The following CDH23 variants were observed in gnomAD, a reference collection of about 807,000 sequenced individuals.
CDH23 encodes cadherin-23.
A neutral mutation model predicts 317.1 loss-of-function variants in CDH23; 189 were observed. The observed-to-expected ratio is 0.60, with a 90% CI of 0.53 to 0.67. CDH23 has a LOEUF of 0.67. Ranked by LOEUF, CDH23 falls within the 30% of genes least tolerant of loss-of-function variation. The pLI, the probability that CDH23 is intolerant of heterozygous loss-of-function variation, is 0.00. For synonymous variants in CDH23, 1,839 were observed against 1,876.8 expected, an observed-to-expected ratio of 0.98 and a Z score of 0.52; for missense variants, 4,401 against 4,592.4, an observed-to-expected ratio of 0.96 and a Z score of 1.20.
At chr10:71,475,135 G>C (rs1370734399) in intron 3 of CDH23, among the ~76,000 whole-genome samples, 1 of 152,200 alleles carries the variant, frequency 6.6e-6, no homozygotes, top group East Asian at 1.9e-4. Context: ...GGTCAGAGCT[G>C]TGTAACCTTA....
chr10:71,501,436 G>A (rs1440642218), intron 3 of CDH23, among the ~76,000 whole-genome samples: 1 of 152,172 alleles, frequency 6.6e-6, no homozygotes, highest in Non-Finnish European at 1.5e-5. Context: ...CCAGGTCAAG[G>A]GTTTTCTGAT....
At chr10:71,577,805 C>G (rs1035703493) in intron 8 of CDH23, 109 bp from the exon 9 acceptor site, 2 of 939,172 alleles carry the variant, frequency 2.1e-6, no homozygotes, top group African/African-American at 3.3e-5. Context: ...CTGGGTTGCC[C>G]TTGCAGCCAG....
chr10:71,531,424 T>G (rs1336248258), intron 6 of CDH23, among the ~76,000 whole-genome samples: 1 of 152,200 alleles, frequency 6.6e-6, no homozygotes, highest in African/African-American at 2.4e-5. Context: ...TCTAAAAATA[T>G]TGTATTTTCC....
chr10:71,765,719 T>TCC (rs2132899109), intron 38 of CDH23, among the ~76,000 whole-genome samples: 1 of 152,056 alleles, frequency 6.6e-6, no homozygotes, highest in South Asian at 2.1e-4. Flanking sequence ...CCCCCACACC[T>TCC]CCCCACCCCT....
chr10:71,459,950 T>A (rs1850897331), intron 3 of CDH23, among the ~76,000 whole-genome samples: 1 of 152,214 alleles, frequency 6.6e-6, no homozygotes, highest in African/African-American at 2.4e-5. Context: ...AACTTCTCCC[T>A]CCTGGTCACC....
intron 69 of CDH23, 22 bp from the exon 70 acceptor site, chr10:71,814,930 T>C (rs1232714369): frequency 6.3e-7 from 1 of 1,591,660 alleles, no homozygotes; most frequent in Admixed American, 1.7e-5. Flanking sequence ...CCTGAGCATG[T>C]GGGGGTCCCG....
rs1840262666 is a variant in CDH23, at chr10:71,759,856, C to T, written c.4846-17824C>T. Among the ~76,000 whole-genome samples the T allele has an allele frequency of 1.8e-5, 2 of 111,772 alleles. 1 individual carries two copies. Among genetic ancestry groups the T allele is most frequent in the Non-Finnish European group, 4.0e-5 (2 of 49,694 alleles). The allele number at this position is 111,772 out of a possible 152,430, so 73.3% of individuals were successfully genotyped here. ...ACACACACACACACACATATACACA[C>T]ACACACACATATATATACACACACA... On this transcript the variant is annotated intron_variant, in intron 38 of 69. Transcript: ENST00000224721.
Position 71,803,314 on chromosome 10 carries a change from C to A in CDH23, c.7766C>A (p.Pro2589His), listed in dbSNP as rs754049055. 1.3e-6 allele frequency: 2 copies of A among 1,592,342 alleles called. No homozygotes were observed. Among genetic ancestry groups the A allele is most frequent in the Non-Finnish European group, 1.7e-6 (2 of 1,169,420 alleles). Residue 2589 changes from proline (P) to histidine (H), a missense_variant, in exon 55 of 70, where the codon CCC becomes CAC. Pro to His is a moderately conservative substitution (Grantham distance 77, BLOSUM62 -2). Transcript: ENST00000224721. ...GTGGTGGCCACAGATGGTGGAGAGCCCCCACTCTGGGGCACCACCATGCTC... is the reference window on the plus strand; with the variant it reads ...GTGGTGGCCACAGATGGTGGAGAGCACCCACTCTGGGGCACCACCATGCTC... ...LTVVATDGGEPPLWGTTMLLV... is the reference protein window; with the variant it reads ...LTVVATDGGEHPLWGTTMLLV...
chr10:71,760,088 CATATACACACACACATACAT>C (rs1840302417), intron 38 of CDH23, among the ~76,000 whole-genome samples: 1 of 125,752 alleles, frequency 8.0e-6, no homozygotes, highest in African/African-American at 2.8e-5. Context: ...TATACACACA[CATATACACACACACATACAT>C]ACATATATGT....
intron 38 of CDH23, among the ~76,000 whole-genome samples, chr10:71,743,198 A>G (rs1839781329): frequency 6.6e-6 from 1 of 152,240 alleles, no homozygotes; most frequent in Non-Finnish European, 1.5e-5. Context: ...GGAATGAGCT[A>G]CAAAGTCACA....
chr10:71,419,621 C>T (rs1191517033), intron 1 of CDH23, among the ~76,000 whole-genome samples: 4 of 151,638 alleles, frequency 2.6e-5, no homozygotes, highest in East Asian at 3.9e-4. Flanking sequence ...CCTAGGTACT[C>T]ACCACTGGAA....
chr10:71,569,283 C>A (rs1784457053), intron 7 of CDH23, among the ~76,000 whole-genome samples: 1 of 152,218 alleles, frequency 6.6e-6, no homozygotes, highest in Non-Finnish European at 1.5e-5. Flanking sequence ...TAAAGACAAC[C>A]AGCCCTCCCT....
chr10:71,702,573 C>G lies in CDH23; in HGVS notation c.2612C>G (p.Thr871Ser), dbSNP rs773132619. ...GGTGGCAGGCCCCCTCTGAAAGCCACCAGCAGTGCCACAGTGTTTGTGAAC... is the reference window on the plus strand; with the variant it reads ...GGTGGCAGGCCCCCTCTGAAAGCCAGCAGCAGTGCCACAGTGTTTGTGAAC... ...TDCGRPPLKA[T>S]SSATVFVNLL... The change falls in exon 24 of 70, where the codon ACC (threonine) becomes AGC (serine). Residue 871 changes from threonine to serine, a missense_variant. Thr to Ser is a moderately conservative substitution (Grantham distance 58). Coordinates refer to ENST00000224721, the MANE Select transcript of CDH23 (RefSeq NM_022124.6). 3 of 1,613,890 alleles carry G rather than the reference C, an allele frequency of 1.9e-6. No individual in the cohort carries two copies. The Admixed American group carries it at 5.0e-5, about 27-fold the overall frequency.
intron 28 of CDH23, chr10:71,713,697 G>A: frequency 4.8e-6 from 1 of 209,418 alleles, no homozygotes; most frequent in South Asian, 6.8e-5. Flanking sequence ...AGGACTTGGA[G>A]CATACCCCCC....
In CDH23 at chr10:71,797,205, G is replaced by A; in HGVS notation, c.6814G>A (p.Val2272Ile). 6.2e-7 allele frequency: 1 copy of A among 1,611,916 alleles called. No homozygotes were observed. Among genetic ancestry groups the A allele is most frequent in the Non-Finnish European group, 8.5e-7 (1 of 1,178,670 alleles). ...TGCCAGCGACCTACCAGAGCGCTCTGTCAGTGTGCCAAATGGTAAGGTTCC... is the reference window on the plus strand; with the variant it reads ...TGCCAGCGACCTACCAGAGCGCTCTATCAGTGTGCCAAATGGTAAGGTTCC... ...DNASDLPERSVSVPNAKLTVN... is the reference protein window; with the variant it reads ...DNASDLPERSISVPNAKLTVN... The change falls in exon 49 of 70, where the codon GTC (valine) becomes ATC (isoleucine). Residue 2272 changes from valine (V) to isoleucine (I), a missense_variant. Val to Ile is a conservative substitution (Grantham distance 29, BLOSUM62 3). Coordinates refer to ENST00000224721, the MANE Select transcript of CDH23 (RefSeq NM_022124.6).
intron 3 of CDH23, among the ~76,000 whole-genome samples, chr10:71,500,152 T>C (rs1853207811): frequency 6.6e-6 from 1 of 151,966 alleles, no homozygotes; most frequent in South Asian, 2.1e-4. Context: ...AAATGATAAG[T>C]GTTTGAGGTG....
intron 3 of CDH23, among the ~76,000 whole-genome samples, chr10:71,489,436 C>G (rs1852524456): frequency 1.3e-5 from 2 of 152,034 alleles, no homozygotes; most frequent in Admixed American, 6.6e-5. Context: ...AAAAATTTTC[C>G]TTGGTCTTTA....
rs530132106 is a variant in CDH23, at chr10:71,761,386, G to C, written c.4846-16294G>C. On this transcript the variant is annotated intron_variant, in intron 38 of 69. Transcript: ENST00000224721. Reference sequence around the variant, plus strand: ...AAAAAGTCTCACTGTCACAAATGGAGCCAGGTACACCCTCCCTCTCCATCA... The same window carrying C: ...AAAAAGTCTCACTGTCACAAATGGACCCAGGTACACCCTCCCTCTCCATCA... Among the ~76,000 whole-genome samples the C allele has an allele frequency of 5.3e-5, 8 of 152,182 alleles. No individual in the cohort carries two copies. The South Asian group carries it at 1.7e-3, about 32-fold the overall frequency.
At chr10:71,465,107 A>T (rs973899268) in intron 3 of CDH23, among the ~76,000 whole-genome samples, 1 of 152,236 alleles carries the variant, frequency 6.6e-6, no homozygotes, top group Admixed American at 6.5e-5. Context: ...CATGCAAATT[A>T]ATTACAATTA....
Sources: allele counts gnomAD v4.1 joint callset (sites outside exome capture counted in the v4.1 genomes callset), GRCh38; gene constraint gnomAD v4.1.1; transcripts MANE v1.5; gene names NCBI Gene and HGNC (gene_info 2026-07-23, HGNC 2026-07-21).